Variants in NAPB observed in about 807,000 individuals in gnomAD.
NAPB encodes the protein NSF attachment protein beta.
NAPB carries 26 observed loss-of-function variants against 44.7 expected under a neutral mutation model. That is an observed-to-expected ratio of 0.58 (90% CI 0.43 to 0.81). NAPB has a LOEUF of 0.81. NAPB is among the 30% of genes least tolerant of loss of function. The pLI is 0.00. For missense variants in NAPB, 315 were observed against 356.4 expected, an observed-to-expected ratio of 0.88 and a Z score of 0.94; for synonymous variants, 120 against 116.8, an observed-to-expected ratio of 1.03 and a Z score of -0.18.
intron 1 of NAPB, among the ~76,000 whole-genome samples, chr20:23,412,601 GC>G (rs1416620865): frequency 6.6e-5 from 10 of 152,214 alleles, no homozygotes; most frequent in Admixed American, 2.0e-4. Context: ...ATATTAATAT[GC>G]CCCCCAAAAC....
chr20:23,420,713 G>A (rs1406038672), intron 1 of NAPB, among the ~76,000 whole-genome samples: 3 of 152,152 alleles, frequency 2.0e-5, no homozygotes, highest in Non-Finnish European at 4.4e-5. Flanking sequence ...GGGCCTCAGG[G>A]AGCCGCTGAC....
chr20:23,399,901 C>T (rs982954609), intron 2 of NAPB, among the ~76,000 whole-genome samples: 6 of 152,254 alleles, frequency 3.9e-5, no homozygotes, highest in African/African-American at 1.4e-4. Context: ...ACATGCAAAT[C>T]TAGCCTTAGA....
At chr20:23,381,188 C>T (rs1037793066) in intron 8 of NAPB, 25 bp downstream of exon 8, 1 of 1,498,602 alleles carries the variant, frequency 6.7e-7, no homozygotes, top group African/African-American at 1.4e-5. Context: ...TGAAATCAGT[C>T]AATCAATGCT....
At chr20:23,381,771 C>T (rs570109807) in intron 7 of NAPB, among the ~76,000 whole-genome samples, 2 of 152,260 alleles carry the variant, frequency 1.3e-5, no homozygotes, top group East Asian at 3.9e-4. Context: ...TCTCTCTGGC[C>T]AAAGGACTAG....
At chr20:23,399,853 C>G (rs2123209731) in intron 2 of NAPB, among the ~76,000 whole-genome samples, 1 of 152,358 alleles carries the variant, frequency 6.6e-6, no homozygotes, top group East Asian at 1.9e-4. Flanking sequence ...CTTAGAAGGG[C>G]CTGACTCACA....
At chr20:23,377,712 TTC>T (rs767903977) in intron 10 of NAPB, among the ~76,000 whole-genome samples, 1 of 152,212 alleles carries the variant, frequency 6.6e-6, no homozygotes, top group African/African-American at 2.4e-5. Context: ...GGCTTGACAT[TTC>T]TCTGTTTTCA....
intron 7 of NAPB, among the ~76,000 whole-genome samples, chr20:23,385,230 A>T (rs926134574): frequency 2.6e-5 from 4 of 152,212 alleles, no homozygotes; most frequent in African/African-American, 9.6e-5. Flanking sequence ...TATAAACATT[A>T]ATCAAAAGAA....
chr20:23,414,996 C>G (rs4815203), intron 1 of NAPB, among the ~76,000 whole-genome samples: 45,134 of 151,806 alleles, frequency 0.3, 6,726 homozygotes, highest in Middle Eastern at 0.38. Context: ...TTAATTCATA[C>G]ATGAATTAAG....
rs946705608 is a variant in NAPB, at chr20:23,420,748, C to G, written c.98+557G>C. ...CCTTCTAGGTCGTGGGACCCCCGCA[C>G]CAACCCGGGCCAGGGCGAGGGGGGC... On this transcript the variant is annotated intron_variant, in intron 1 of 10. Coordinates refer to ENST00000377026, the MANE Select transcript of NAPB (RefSeq NM_022080.3). Among the ~76,000 whole-genome samples, 6 of 152,130 alleles carry G rather than the reference C, an allele frequency of 3.9e-5. 1 individual carries two copies. The highest frequency in any genetic ancestry group is 8.8e-5 in the Non-Finnish European group (6 of 68,020).
chr20:23,420,861 G>C (rs964628450), intron 1 of NAPB, among the ~76,000 whole-genome samples: 20 of 151,548 alleles, frequency 1.3e-4, no homozygotes, highest in African/African-American at 2.9e-4. Flanking sequence ...GGGAGCTCTG[G>C]GGGTCCTAGG....
At chr20:23,382,482 G>A (rs192948896) in intron 7 of NAPB, among the ~76,000 whole-genome samples, 8 of 152,118 alleles carry the variant, frequency 5.3e-5, no homozygotes, top group Admixed American at 1.3e-4. Context: ...TCCAGATGAC[G>A]GAAATGTCCA....
At position 23,379,857 on chromosome 20, in the gene NAPB, T is replaced by C; in HGVS notation, c.735+10A>G. 1 of 1,596,758 alleles carries C rather than the reference T, an allele frequency of 6.3e-7. No individual in the cohort carries two copies. The highest frequency in any genetic ancestry group is 8.6e-7 in the Non-Finnish European group (1 of 1,164,998). On this transcript the variant is annotated intron_variant, in intron 9 of 10. Transcript: ENST00000377026. ...AAAGCATTTTTCTTCAAAGTTCTAA[T>C]ATTACTTACTTTCAATAATTTACAT... is the stretch of plus-strand genomic sequence containing the variant.
At chr20:23,391,991 G>A (rs1983993646) in intron 5 of NAPB, among the ~76,000 whole-genome samples, 1 of 152,218 alleles carries the variant, frequency 6.6e-6, no homozygotes, top group South Asian at 2.1e-4. Flanking sequence ...GAAGAGATTT[G>A]CAGGGACAAG....
At chr20:23,407,392 T>C (rs562057063) in intron 1 of NAPB, among the ~76,000 whole-genome samples, 1 of 152,182 alleles carries the variant, frequency 6.6e-6, no homozygotes, top group Non-Finnish European at 1.5e-5. Flanking sequence ...CGCAGCAACA[T>C]AAGTTAAACA....
chr20:23,375,592 T>TGGACTCCATTCCA lies in NAPB; in HGVS notation c.*1771_*1783dup, dbSNP rs1464046929. 13 of 152,346 alleles carry TGGACTCCATTCCA rather than the reference T, an allele frequency of 8.5e-5. No homozygotes were observed. In the East Asian group the frequency reaches 2.3e-3, roughly 27 times the overall value. 9.4% of individuals were successfully genotyped at this position (152,346 alleles called of 1,614,324 possible). A position where few individuals can be genotyped will look rare whatever the true frequency, so the allele number is the denominator to read the frequency against. ...TAAGAGGGAGTGAAAAAGTACCAAC[T>TGGACTCCATTCCA]GGACTCCATTCCAGGTCTTACCTCT... On this transcript the variant is annotated 3_prime_UTR_variant, in exon 11 of 11. Coordinates refer to ENST00000377026, the MANE Select transcript of NAPB (RefSeq NM_022080.3).
chr20:23,389,498 G>A (rs1015600841), intron 7 of NAPB, among the ~76,000 whole-genome samples: 2 of 152,048 alleles, frequency 1.3e-5, no homozygotes, highest in African/African-American at 4.8e-5. Context: ...CCCCAAAGTG[G>A]AAAAACCCCA....
chr20:23,419,201 C>T (rs1369843723), intron 1 of NAPB, among the ~76,000 whole-genome samples: 1 of 152,174 alleles, frequency 6.6e-6, no homozygotes, highest in Non-Finnish European at 1.5e-5. Context: ...CACAGAGAGG[C>T]TAAGTAACTT....
intron 7 of NAPB, among the ~76,000 whole-genome samples, chr20:23,385,485 C>A (rs1452984712): frequency 1.3e-5 from 2 of 152,124 alleles, no homozygotes; most frequent in African/African-American, 2.4e-5. Flanking sequence ...AAAGGCCAAT[C>A]GCAGTGGCTC....
rs564395469 is a variant in NAPB at position 23,395,247 on chromosome 20, G to A, written c.296-62C>T. On this transcript the variant is annotated intron_variant, in intron 3 of 10. Transcript: ENST00000377026. The stretch of plus-strand genomic sequence containing the variant: ...CCATTCAGTCAAAGAGGGTTCAGGT[G>A]AGGCTGTCTTCCTGGCTGTTATCAG... 7.7e-6 allele frequency: 12 copies of A among 1,566,176 alleles called. No individual in the cohort carries two copies. In the South Asian group the frequency reaches 1.2e-4, roughly 16 times the overall value.
Sources: allele counts gnomAD v4.1 joint callset (sites outside exome capture counted in the v4.1 genomes callset), GRCh38; gene constraint gnomAD v4.1.1; transcripts MANE v1.5; gene names NCBI Gene and HGNC (gene_info 2026-07-23, HGNC 2026-07-21).